The following RALYL variants were observed in gnomAD, a reference collection of about 807,000 sequenced individuals.
RALYL encodes RNA-binding Raly-like protein.
Under a neutral mutation model 35.1 loss-of-function variants are expected in RALYL, and 29 were observed. The observed-to-expected ratio is 0.83, with a 90% CI of 0.61 to 1.13. The LOEUF (loss-of-function observed/expected upper bound fraction) is 1.13. RALYL is among the 50% of genes most tolerant of loss of function. The probability of loss-of-function intolerance (pLI) is 0.00; values close to 1 mark genes in which losing one functional copy is unlikely to be tolerated. For synonymous variants in RALYL, 120 were observed against 127.6 expected (o/e 0.94, Z 0.40); for missense variants, 359 against 360.4 (o/e 1.00, Z 0.03).
Position 84,367,025 on chromosome 8 carries a change from A to G in RALYL, c.-23-162274A>G, listed in dbSNP as rs1281353511. 3.3e-5 allele frequency among the ~76,000 whole-genome samples: 5 copies of G among 151,458 alleles called. 1 individual carries two copies. The South Asian group carries it at 8.3e-4, about 25-fold the overall frequency. On this transcript the variant is annotated intron_variant, in intron 1 of 8. Coordinates refer to ENST00000521268, the MANE Select transcript of RALYL (RefSeq NM_173848.7). The stretch of plus-strand genomic sequence containing the variant: ...ACAAACTGTACCGTGGTGTTCGGGG[A>G]AAAAAAACACTCCGTAGAAATTCTC...
At chr8:84,535,090 T>A (rs2059507897) in intron 2 of RALYL, among the ~76,000 whole-genome samples, 1 of 152,178 alleles carries the variant, frequency 6.6e-6, no homozygotes, top group Non-Finnish European at 1.5e-5. Context: ...TGGCACTTCA[T>A]CATTGTCAAA....
chr8:84,893,546 G>C (rs544273996), intron 8 of RALYL, among the ~76,000 whole-genome samples: 2 of 152,250 alleles, frequency 1.3e-5, no homozygotes, highest in South Asian at 4.1e-4. Flanking sequence ...ATGAGAAAAG[G>C]CTTCTGTGAA....
intron 1 of RALYL, among the ~76,000 whole-genome samples, chr8:84,437,167 G>T (rs190032765): frequency 1.3e-5 from 2 of 152,210 alleles, no homozygotes; most frequent in Admixed American, 6.5e-5. Context: ...ATGGCCTCCA[G>T]CTGCATCCAT....
intron 2 of RALYL, chr8:84,665,910 C>T (rs908529321): frequency 4.0e-5 from 6 of 151,882 alleles, no homozygotes; most frequent in Admixed American, 3.9e-4. Flanking sequence ...TTTCATCTCT[C>T]TTATATCATA....
At chr8:84,632,862 C>T (rs1824225339) in intron 2 of RALYL, among the ~76,000 whole-genome samples, 2 of 151,854 alleles carry the variant, frequency 1.3e-5, no homozygotes, top group African/African-American at 2.4e-5. Flanking sequence ...TGCACATAGC[C>T]CCATGGCCTT....
At chr8:84,477,710 G>T (rs1348604015) in intron 1 of RALYL, among the ~76,000 whole-genome samples, 1 of 60,884 alleles carries the variant, frequency 1.6e-5, no homozygotes, top group Non-Finnish European at 3.9e-5. Context: ...TTAGTGAAAA[G>T]AATTAAAGCG....
rs1854386682 is a variant in RALYL, at chr8:84,366,777, A to AAAG, written c.-23-162520_-23-162519insGAA. Among the ~76,000 whole-genome samples, 3 of 150,424 alleles carry AAAG rather than the reference A, an allele frequency of 2.0e-5. No homozygotes were observed. The East Asian group carries it at 5.9e-4, about 29-fold the overall frequency. ...GATTTTTGTCTCAAAAAAAAAAAAAAAAAAAAAAAAAAAAGGGTATCCTGG... is the reference window on the plus strand; with the variant it reads ...GATTTTTGTCTCAAAAAAAAAAAAAAAAGAAAAAAAAAAAAAAGGGTATCCTGG... On this transcript the variant is annotated intron_variant, in intron 1 of 8. Transcript: ENST00000521268.
intron 1 of RALYL, among the ~76,000 whole-genome samples, chr8:84,413,886 T>C (rs1377271926): frequency 6.6e-6 from 1 of 152,096 alleles, no homozygotes; most frequent in Non-Finnish European, 1.5e-5. Flanking sequence ...TAGATTTTGC[T>C]GGATGATATA....
intron 2 of RALYL, among the ~76,000 whole-genome samples, chr8:84,565,400 A>G (rs2061714338): frequency 6.6e-6 from 1 of 151,540 alleles, no homozygotes; most frequent in Non-Finnish European, 1.5e-5. Flanking sequence ...AACAGGAAAT[A>G]TTTATCTAAG....
chr8:84,218,369 C>T (rs1978827), intron 1 of RALYL, among the ~76,000 whole-genome samples: 5,103 of 151,874 alleles, frequency 0.034, 291 homozygotes, highest in African/African-American at 0.11. Flanking sequence ...GCTGAAGATG[C>T]CATTGACAAT....
chr8:84,706,010 T>G, intron 2 of RALYL: 1 of 1,535,246 alleles, frequency 6.5e-7, no homozygotes, highest in Non-Finnish European at 8.7e-7. Flanking sequence ...TTAGAAAGTC[T>G]AATTTTTTTC....
chr8:84,708,361 G>T (rs1363387591), intron 2 of RALYL, among the ~76,000 whole-genome samples: 3 of 152,078 alleles, frequency 2.0e-5, no homozygotes, highest in Non-Finnish European at 4.4e-5. Flanking sequence ...GGAGAGGGAG[G>T]GAAGAGTGCC....
intron 2 of RALYL, among the ~76,000 whole-genome samples, chr8:84,647,763 G>T (rs769180281): frequency 7.2e-5 from 11 of 152,068 alleles, no homozygotes; most frequent in Non-Finnish European, 1.5e-4. Context: ...AGTATGTTAT[G>T]GTGATCATTA....
intron 2 of RALYL, among the ~76,000 whole-genome samples, chr8:84,621,494 T>G (rs1245579277): frequency 6.6e-6 from 1 of 152,130 alleles, no homozygotes; most frequent in Non-Finnish European, 1.5e-5. Context: ...GCGCCCACTG[T>G]CTGGCACTCC....
chr8:84,209,187 C>T (rs1818828276), intron 1 of RALYL, among the ~76,000 whole-genome samples: 1 of 148,078 alleles, frequency 6.8e-6, no homozygotes, highest in Non-Finnish European at 1.5e-5. Flanking sequence ...TTACAAGAAG[C>T]CTATTTTTAG....
At chr8:84,827,634 A>T (rs1299633361) in intron 4 of RALYL, among the ~76,000 whole-genome samples, 1 of 152,098 alleles carries the variant, frequency 6.6e-6, no homozygotes, top group East Asian at 1.9e-4. Flanking sequence ...TAACCACATT[A>T]AAAAGAAAAG....
At chr8:84,738,806 A>G (rs1309553169) in intron 2 of RALYL, among the ~76,000 whole-genome samples, 1 of 152,056 alleles carries the variant, frequency 6.6e-6, no homozygotes, top group Non-Finnish European at 1.5e-5. Flanking sequence ...ATGGGGAAGT[A>G]CTAACCGTAA....
chr8:84,309,822 T>C (rs57393018), intron 1 of RALYL, among the ~76,000 whole-genome samples: 7,206 of 152,146 alleles, frequency 0.047, 266 homozygotes, highest in African/African-American at 0.083. Context: ...GAGTCTCCCA[T>C]TGTCACTCAG....
intron 1 of RALYL, among the ~76,000 whole-genome samples, chr8:84,469,812 C>A (rs577384696): frequency 0.03 from 4,529 of 152,276 alleles, 115 homozygotes; most frequent in Non-Finnish European, 0.038. Flanking sequence ...ATAGGACCCT[C>A]CGAGCCAGGT....
Sources: gnomAD v4.1 joint callset for allele counts (sites outside exome capture counted in the v4.1 genomes callset) on GRCh38, gnomAD v4.1.1 for gene constraint, MANE v1.5 for transcripts, NCBI Gene and HGNC (gene_info 2026-07-23, HGNC 2026-07-21) for gene names.